ZNF292: variants seen among roughly 807,000 people sequenced by gnomAD.
ZNF292 encodes the protein zinc finger protein 292, also known as 16 zinc-finger domain protein.
ZNF292 carries 26 observed loss-of-function variants against 217.9 expected under a neutral mutation model. That is an observed-to-expected ratio of 0.12 (90% CI 0.09 to 0.17). The LOEUF (loss-of-function observed/expected upper bound fraction) is 0.17. Ranked by LOEUF, ZNF292 falls within the 10% of genes least tolerant of loss-of-function variation. The pLI, the probability that ZNF292 is intolerant of heterozygous loss-of-function variation, is 1.00. For synonymous variants in ZNF292, 1,257 were observed against 1,124.1 expected (o/e 1.12, Z -2.37); for missense variants, 2,904 against 3,175.2 (o/e 0.91, Z 2.05).
chr6:87,236,235 G>A (rs2127828001), intron 5 of ZNF292, among the ~76,000 whole-genome samples: 1 of 152,318 alleles, frequency 6.6e-6, no homozygotes. Context: ...TTAAAGGACA[G>A]TGGGAACAGA....
chr6:87,256,336 G>T lies in ZNF292; in HGVS notation c.2707G>T (p.Asp903Tyr), dbSNP rs1446413158. Residue 903 changes from aspartate to tyrosine, a missense_variant, in exon 8 of 8, where the codon GAC becomes TAC. By Grantham distance (160) the Asp-to-Tyr change is radical. Coordinates refer to ENST00000369577, the MANE Select transcript of ZNF292 (RefSeq NM_015021.3). Reference protein sequence around the residue: ...SKAESAVTKQDQISASELRQA... With the variant: ...SKAESAVTKQYQISASELRQA... ...AGCAGAATCAGCTGTGACCAAACAA[G>T]ACCAGATTTCTGCCTCTGAGCTCAG... 1 of 1,612,564 alleles carries T rather than the reference G, an allele frequency of 6.2e-7. No individual in the cohort carries two copies. Among genetic ancestry groups the T allele is most frequent in the Admixed American group, 1.7e-5 (1 of 60,004 alleles).
intron 4 of ZNF292, among the ~76,000 whole-genome samples, chr6:87,225,131 T>G (rs912060779): frequency 6.6e-6 from 1 of 152,254 alleles, no homozygotes; most frequent in Non-Finnish European, 1.5e-5. Context: ...GAACATCTTT[T>G]CATATGCATA....
In ZNF292 at chr6:87,255,060, A is replaced by C. The variant is rs1562180455; in HGVS notation, c.1431A>C (p.Glu477Asp). The change falls in exon 8 of 8, where the codon GAA becomes GAC. Residue 477 changes from glutamate (E) to aspartate (D), a missense_variant. Coordinates refer to ENST00000369577, the MANE Select transcript of ZNF292 (RefSeq NM_015021.3). ...VSSIDELNDS[E>D]VYEKVVDYQE... is the part of the protein sequence containing the mutation. ...CAATAGATGAACTAAATGACAGTGA[A>C]GTATATGAAAAAGTGGTAGACTACC... The C allele has an allele frequency of 6.2e-7, 1 of 1,613,754 alleles. No individual in the cohort carries two copies. The highest frequency in any genetic ancestry group is 8.5e-7 in the Non-Finnish European group (1 of 1,179,848).
intron 5 of ZNF292, 150 bp downstream of exon 5, chr6:87,233,677 ATTCTAAGTAGC>A: frequency 2.1e-6 from 3 of 1,406,930 alleles, no homozygotes; most frequent in Non-Finnish European, 2.8e-6. Context: ...TGGCAACTTG[ATTCTAAGTAGC>A]TTTTAGAATT....
rs1445006459 is a variant in ZNF292, at chr6:87,258,163, G to A, written c.4534G>A (p.Val1512Ile). Residue 1512 changes from valine (V) to isoleucine (I), a missense_variant, in exon 8 of 8, where the codon GTT (valine) becomes ATT (isoleucine). Val to Ile is a conservative substitution (Grantham distance 29). Transcript: ENST00000369577. ...TFEGAEMLSH[V>I]STGCVSDASQ... ...TGAGGGTGCCGAAATGCTTTCTCATGTTTCAACAGGTTGTGTCTCTGATGC... is the reference window on the plus strand; with the variant it reads ...TGAGGGTGCCGAAATGCTTTCTCATATTTCAACAGGTTGTGTCTCTGATGC... 3 of 1,611,724 alleles carry A rather than the reference G, an allele frequency of 1.9e-6. No individual in the cohort carries two copies. The highest frequency in any genetic ancestry group is 2.5e-6 in the Non-Finnish European group (3 of 1,179,006).
chr6:87,185,669 A>G (rs1173260096), intron 1 of ZNF292, among the ~76,000 whole-genome samples: 1 of 152,142 alleles, frequency 6.6e-6, no homozygotes, highest in South Asian at 2.1e-4. Flanking sequence ...GGGTTTCACC[A>G]TGTTGCCCAG....
rs1770930845 is a variant in ZNF292, at chr6:87,166,803, A to G, written c.168+11044A>G. Reference sequence around the variant, plus strand: ...TTGTTGCCTTTTGTTTCTATATTGCATGCTCTATGTCCTCAGATTTTGGAT... The same window carrying G: ...TTGTTGCCTTTTGTTTCTATATTGCGTGCTCTATGTCCTCAGATTTTGGAT... On this transcript the variant is annotated intron_variant, in intron 1 of 7. Transcript: ENST00000369577. Among the ~76,000 whole-genome samples, 3 of 152,288 alleles carry G rather than the reference A, an allele frequency of 2.0e-5. No homozygotes were observed. The South Asian group carries it at 6.2e-4, about 32-fold the overall frequency.
chr6:87,260,256 T>G lies in ZNF292; in HGVS notation c.6627T>G (p.Ala2209=). Residue 2209 remains alanine (A), a synonymous_variant, in exon 8 of 8, where the codon GCT becomes GCG. Transcript: ENST00000369577. ...MTPEEIESMT[A]SVDVGKFPCD... is the part of the protein sequence containing the mutation. ...CTGAAGAAATTGAAAGTATGACTGC[T>G]TCAGTGGATGTTGGGAAGTTTCCAT... 6 of 1,613,698 alleles carry G rather than the reference T, an allele frequency of 3.7e-6. No individual in the cohort carries two copies. Among genetic ancestry groups the G allele is most frequent in the Non-Finnish European group, 5.1e-6 (6 of 1,179,658 alleles).
chr6:87,245,657 A>G lies in ZNF292; in HGVS notation c.1020+13A>G. 7.1e-7 allele frequency: 1 copy of G among 1,412,588 alleles called. No homozygotes were observed. The allele number at this position is 1,412,588 out of a possible 1,614,324, so 87.5% of individuals were successfully genotyped here. A position where few individuals can be genotyped will look rare whatever the true frequency, so the allele number is the denominator to read the frequency against. ...TATTAATTCAGAGGTAAGAATAATC[A>G]GAATATTTTTAAGGTTAAAATGTGT... On this transcript the variant is annotated intron_variant, in intron 7 of 7. Coordinates refer to ENST00000369577, the MANE Select transcript of ZNF292 (RefSeq NM_015021.3).
In ZNF292 at chr6:87,263,234, G is replaced by A. The variant is rs758692137; in HGVS notation, c.*1433G>A. 3 of 151,996 alleles carry A rather than the reference G, an allele frequency of 2.0e-5. No individual in the cohort carries two copies. Among genetic ancestry groups the A allele is most frequent in the Admixed American group, 6.6e-5 (1 of 15,238 alleles). 9.4% of individuals were successfully genotyped at this position (151,996 alleles called of 1,614,324 possible). A position where few individuals can be genotyped will look rare whatever the true frequency, so the allele number is the denominator to read the frequency against. On this transcript the variant is annotated 3_prime_UTR_variant, in exon 8 of 8. Transcript: ENST00000369577. ...ATTTAAAGTCCAACTAAAATCAGTA[G>A]TAGAAACATAAGAAAACATCTTTGC...
chr6:87,227,999 A>G (rs896287301), intron 4 of ZNF292, among the ~76,000 whole-genome samples: 3 of 152,052 alleles, frequency 2.0e-5, no homozygotes, highest in Non-Finnish European at 4.4e-5. Context: ...TGTATTTTTA[A>G]TTTTTTGAGG....
At chr6:87,176,421 T>C (rs1220570256) in intron 1 of ZNF292, among the ~76,000 whole-genome samples, 1 of 152,198 alleles carries the variant, frequency 6.6e-6, no homozygotes, top group Non-Finnish European at 1.5e-5. Context: ...GACATTTCCT[T>C]TCCTCAGGGA....
At chr6:87,186,928 T>TAA (rs1771680226) in intron 1 of ZNF292, among the ~76,000 whole-genome samples, 1 of 152,222 alleles carries the variant, frequency 6.6e-6, no homozygotes, top group African/African-American at 2.4e-5. Context: ...CTACTCACGT[T>TAA]ACATTAGCAG....
intron 1 of ZNF292, among the ~76,000 whole-genome samples, chr6:87,166,227 A>G (rs529053111): frequency 3.9e-5 from 6 of 152,298 alleles, no homozygotes; most frequent in Admixed American, 3.9e-4. Flanking sequence ...TTCTACAGGA[A>G]CTTCCTGCTC....
chr6:87,179,475 A>G (rs1285887203), intron 1 of ZNF292, among the ~76,000 whole-genome samples: 1 of 152,056 alleles, frequency 6.6e-6, no homozygotes, highest in Non-Finnish European at 1.5e-5. Context: ...TGGACTCTAT[A>G]TGGTATAAAG....
At chr6:87,189,901 T>G (rs1771777814) in intron 1 of ZNF292, among the ~76,000 whole-genome samples, 1 of 152,230 alleles carries the variant, frequency 6.6e-6, no homozygotes, top group South Asian at 2.1e-4. Context: ...TTGGGATTCT[T>G]CTACATGGGA....
In ZNF292 at chr6:87,263,398, T is replaced by C. The variant is rs1190207053; in HGVS notation, c.*1597T>C. On this transcript the variant is annotated 3_prime_UTR_variant, in exon 8 of 8. Coordinates refer to ENST00000369577, the MANE Select transcript of ZNF292 (RefSeq NM_015021.3). ...TTGTGATGGTATGAAAATGTGTACA[T>C]TCCCTGTGCAACATCAGATTTGCAG... 5 of 152,102 alleles carry C rather than the reference T, an allele frequency of 3.3e-5. No individual in the cohort carries two copies. The highest frequency in any genetic ancestry group is 1.2e-4 in the African/African-American group (5 of 41,458). The allele number at this position is 152,102 out of a possible 1,614,324, so 9.4% of individuals were successfully genotyped here. A position where few individuals can be genotyped will look rare whatever the true frequency, so the allele number is the denominator to read the frequency against.
intron 4 of ZNF292, 41 bp from the exon 5 acceptor site, chr6:87,233,284 T>C: frequency 7.1e-7 from 1 of 1,416,642 alleles, no homozygotes; most frequent in South Asian, 1.3e-5. Flanking sequence ...AAATGAATTA[T>C]TACCAAATGT....
At chr6:87,175,471 G>A (rs1338554666) in intron 1 of ZNF292, among the ~76,000 whole-genome samples, 1 of 152,086 alleles carries the variant, frequency 6.6e-6, no homozygotes, top group African/African-American at 2.4e-5. Context: ...GAGTAGCTAG[G>A]ATTACAGGCC....
Sources: gnomAD v4.1 joint callset for allele counts (sites outside exome capture counted in the v4.1 genomes callset) on GRCh38, gnomAD v4.1.1 for gene constraint, MANE v1.5 for transcripts, NCBI Gene and HGNC (gene_info 2026-07-23, HGNC 2026-07-21) for gene names.